Variants in HPSE2 observed in about 807,000 individuals in gnomAD.
HPSE2 encodes the protein heparanase 2 (inactive), also known as inactive heparanase-2.
HPSE2 carries 38 observed loss-of-function variants against 60.5 expected under a neutral mutation model. The observed-to-expected ratio is 0.63, with a 90% CI of 0.48 to 0.82. The LOEUF (loss-of-function observed/expected upper bound fraction) is 0.82, where lower values mean the gene tolerates loss of function less well. Among genes scored for constraint, HPSE2 ranks in the 40% least tolerant of loss-of-function variants. The pLI, the probability that HPSE2 is intolerant of heterozygous loss-of-function variation, is 0.00. For synonymous variants in HPSE2, 295 were observed against 293.2 expected (o/e 1.01, Z -0.06); for missense variants, 713 against 740.4 (o/e 0.96, Z 0.43).
At chr10:99,106,867 A>C (rs1844268771) in intron 3 of HPSE2, among the ~76,000 whole-genome samples, 1 of 151,876 alleles carries the variant, frequency 6.6e-6, no homozygotes, top group African/African-American at 2.4e-5. Flanking sequence ...TCTGACTCTT[A>C]AGTTTGTTTT....
intron 9 of HPSE2, among the ~76,000 whole-genome samples, chr10:98,590,565 G>A (rs675410): frequency 0.071 from 10,791 of 152,252 alleles, 462 homozygotes; most frequent in African/African-American, 0.11. Flanking sequence ...GTTTTGTCTA[G>A]GTTGGAGCCA....
intron 3 of HPSE2, among the ~76,000 whole-genome samples, chr10:98,754,612 G>C (rs1291000884): frequency 6.7e-6 from 1 of 149,458 alleles, no homozygotes; most frequent in Non-Finnish European, 1.5e-5. Flanking sequence ...TAGAGAGAAG[G>C]GGCAGGTCAC....
At chr10:98,512,406 C>G (rs921723662) in intron 9 of HPSE2, among the ~76,000 whole-genome samples, 2 of 152,048 alleles carry the variant, frequency 1.3e-5, no homozygotes, top group Non-Finnish European at 2.9e-5. Flanking sequence ...ACGGTGAAAC[C>G]CTGTCTCTAC....
intron 9 of HPSE2, among the ~76,000 whole-genome samples, chr10:98,510,724 A>G (rs1036799486): frequency 6.6e-6 from 1 of 152,232 alleles, no homozygotes; most frequent in Non-Finnish European, 1.5e-5. Context: ...TTCTGAGCAC[A>G]TATTCCTAGT....
At chr10:98,808,168 TTGTC>T (rs1951084931) in intron 3 of HPSE2, among the ~76,000 whole-genome samples, 1 of 152,180 alleles carries the variant, frequency 6.6e-6, no homozygotes, top group South Asian at 2.1e-4. Flanking sequence ...CAACAATTCT[TTGTC>T]TGACTCTAAG....
chr10:99,103,812 G>C (rs933344416), intron 3 of HPSE2, among the ~76,000 whole-genome samples: 27 of 152,112 alleles, frequency 1.8e-4, no homozygotes, highest in Non-Finnish European at 2.8e-4. Context: ...CAGAACAGAG[G>C]CCTCAGAAAT....
At chr10:98,704,735 C>T (rs1948502059) in intron 5 of HPSE2, among the ~76,000 whole-genome samples, 1 of 152,148 alleles carries the variant, frequency 6.6e-6, no homozygotes. Flanking sequence ...TGACCTCTTC[C>T]TTACACCTTA....
chr10:98,678,690 A>C (rs1182248969), intron 6 of HPSE2, among the ~76,000 whole-genome samples: 2 of 151,932 alleles, frequency 1.3e-5, no homozygotes, highest in Admixed American at 6.6e-5. Flanking sequence ...GGTTCTTAAA[A>C]ATTTTTTTGG....
chr10:98,697,349 G>A (rs994545805), intron 5 of HPSE2, among the ~76,000 whole-genome samples: 1 of 152,144 alleles, frequency 6.6e-6, no homozygotes, highest in Non-Finnish European at 1.5e-5. Context: ...GCATGAGAAC[G>A]TTGTGAAGTA....
chr10:99,286,997 C>T, the HPSE2 span, among the ~76,000 whole-genome samples: 2 of 152,134 alleles, frequency 1.3e-5, no homozygotes, highest in African/African-American at 4.8e-5. Flanking sequence ...AATCACTATC[C>T]TATACTTGGG....
chr10:98,860,098 TG>T, intron 3 of HPSE2, among the ~76,000 whole-genome samples: 1 of 152,292 alleles, frequency 6.6e-6, no homozygotes, highest in African/African-American at 2.4e-5. Context: ...AGGCATCCTT[TG>T]GGGGTCTTGG....
intron 2 of HPSE2, among the ~76,000 whole-genome samples, chr10:99,178,294 C>G (rs1174198614): frequency 6.6e-6 from 1 of 151,356 alleles, no homozygotes; most frequent in African/African-American, 2.4e-5. Flanking sequence ...GAGATAGAGA[C>G]ACGAAAAATG....
chr10:98,854,662 A>G (rs1266335617), intron 3 of HPSE2, among the ~76,000 whole-genome samples: 1 of 152,212 alleles, frequency 6.6e-6, no homozygotes, highest in Non-Finnish European at 1.5e-5. Flanking sequence ...ATTCTGGTAG[A>G]GAGAAAAGAA....
intron 3 of HPSE2, among the ~76,000 whole-genome samples, chr10:99,006,326 T>A (rs1393947630): frequency 6.6e-6 from 1 of 152,112 alleles, no homozygotes; most frequent in Admixed American, 6.5e-5. Context: ...ACCCTGGATC[T>A]GTTGGACCTT....
At chr10:98,925,177 A>G (rs1954415147) in intron 3 of HPSE2, among the ~76,000 whole-genome samples, 1 of 152,108 alleles carries the variant, frequency 6.6e-6, no homozygotes, top group Non-Finnish European at 1.5e-5. Flanking sequence ...AAGTACTGTG[A>G]ATATGACGTT....
intron 3 of HPSE2, among the ~76,000 whole-genome samples, chr10:99,026,772 T>C (rs762366678): frequency 1.4e-4 from 21 of 152,164 alleles, no homozygotes; most frequent in Non-Finnish European, 2.4e-4. Flanking sequence ...ATCAAGTATC[T>C]TCCCTGACCA....
At chr10:98,729,895 G>A (rs575159737) in intron 4 of HPSE2, among the ~76,000 whole-genome samples, 65 of 152,056 alleles carry the variant, frequency 4.3e-4, no homozygotes, top group Non-Finnish European at 7.7e-4. Context: ...AAGAACAATT[G>A]AAGGAGACTT....
Position 99,126,933 on chromosome 10 carries a change from C to A in HPSE2, c.610+17305G>T, listed in dbSNP as rs538929997. Among the ~76,000 whole-genome samples, 1 of 152,218 alleles carries A rather than the reference C, an allele frequency of 6.6e-6. No individual in the cohort carries two copies. Among genetic ancestry groups the A allele is most frequent in the African/African-American group, 2.4e-5 (1 of 41,542 alleles). ...AGTCTGGCTCCCAGAAAGCCCCATC[C>A]CTAGGGGAAGGGGAAGAGCACCACA... On this transcript the variant is annotated intron_variant, in intron 3 of 11. Transcript: ENST00000370552. This position sits in a 1 kb window ranked among gnomAD's most constrained non-coding sequence, Gnocchi z 4.0.
intron 11 of HPSE2, among the ~76,000 whole-genome samples, chr10:98,478,819 A>G (rs1941123470): frequency 6.6e-6 from 1 of 152,120 alleles, no homozygotes. Flanking sequence ...ACACACTGCA[A>G]TTTTCTAAAA....
Sources: allele counts gnomAD v4.1 joint callset (sites outside exome capture counted in the v4.1 genomes callset), GRCh38; gene constraint gnomAD v4.1.1; non-coding constraint Gnocchi (gnomAD v3.1); transcripts MANE v1.5; gene names NCBI Gene and HGNC (gene_info 2026-07-23, HGNC 2026-07-21).